RFX8: variants seen among roughly 807,000 people sequenced by gnomAD.
RFX8 encodes DNA-binding protein RFX8.
Under a neutral mutation model 54.6 loss-of-function variants are expected in RFX8, and 46 were observed. The ratio of observed to expected loss-of-function variants is 0.84; its 90% CI spans 0.67 to 1.08. The LOEUF is 1.08. RFX8 is among the 50% of genes least tolerant of loss of function. RFX8 has a pLI of 0.00. For synonymous variants in RFX8, 192 were observed against 209.5 expected, an observed-to-expected ratio of 0.92 and a Z score of 0.72; for missense variants, 536 against 562.3, an observed-to-expected ratio of 0.95 and a Z score of 0.47.
chr2:101,468,279 G>A lies in RFX8; in HGVS notation c.-52-1379C>T, dbSNP rs1689692148. On this transcript the variant is annotated intron_variant, in intron 1 of 11. Coordinates refer to ENST00000428343, the MANE Select transcript of RFX8 (RefSeq NM_001145664.2). ...AAAAATCCAAGTGCCAGCAAGGTCG[G>A]TTCCTTCCAGAGGCTCTGAGGGAGA... is the stretch of plus-strand genomic sequence containing the variant. Among the ~76,000 whole-genome samples the A allele has an allele frequency of 5.3e-5, 8 of 152,260 alleles. 1 individual carries two copies. The South Asian group carries it at 1.7e-3, about 32-fold the overall frequency.
chr2:101,400,198 C>G (rs769267850), intron 11 of RFX8, among the ~76,000 whole-genome samples: 1 of 152,206 alleles, frequency 6.6e-6, no homozygotes, highest in African/African-American at 2.4e-5. Flanking sequence ...GACTAGGAAG[C>G]ATGTGTATAT....
At chr2:101,474,262 A>AC in intron 1 of RFX8, 1 of 609,494 alleles carries the variant, frequency 1.6e-6, no homozygotes, top group Non-Finnish European at 2.9e-6. Flanking sequence ...CGAGGCCGGC[A>AC]CCCCCTCGGC....
chr2:101,406,134 ATT>A, intron 9 of RFX8, 77 bp from the exon 10 acceptor site: 1 of 780,336 alleles, frequency 1.3e-6, no homozygotes, highest in Admixed American at 2.8e-5. Flanking sequence ...AAATGCACAC[ATT>A]TGTCATGCAC....
intron 6 of RFX8, among the ~76,000 whole-genome samples, chr2:101,416,440 G>A (rs1686517355): frequency 6.6e-6 from 1 of 152,198 alleles, no homozygotes; most frequent in Admixed American, 6.5e-5. Context: ...ACAGCTGGGG[G>A]CGTGGGGTCG....
At chr2:101,425,945 G>A (rs1687147919) in intron 2 of RFX8, among the ~76,000 whole-genome samples, 1 of 152,148 alleles carries the variant, frequency 6.6e-6, no homozygotes, top group Admixed American at 6.6e-5. Flanking sequence ...GGTACAAACA[G>A]ACAGAAGAAA....
At chr2:101,466,328 A>T (rs1689573056) in intron 2 of RFX8, among the ~76,000 whole-genome samples, 1 of 143,474 alleles carries the variant, frequency 7.0e-6, no homozygotes, top group Non-Finnish European at 1.6e-5. Context: ...AAAAAAAAAG[A>T]TCTTAACCTC....
intron 9 of RFX8, among the ~76,000 whole-genome samples, chr2:101,410,279 C>A (rs562329555): frequency 4.7e-4 from 72 of 151,970 alleles, no homozygotes; most frequent in African/African-American, 1.7e-3. Context: ...CACCTGTACA[C>A]CACGCTCACC....
chr2:101,423,643 C>T (rs1157166989), intron 2 of RFX8, among the ~76,000 whole-genome samples: 1 of 152,150 alleles, frequency 6.6e-6, no homozygotes, highest in Non-Finnish European at 1.5e-5. Context: ...CCTGCCCAGT[C>T]TTTAAGCACC....
In RFX8 at chr2:101,397,726, T is replaced by C. The variant is rs1685207823; in HGVS notation, c.1246-2A>G. 1.3e-6 allele frequency: 2 copies of C among 1,544,474 alleles called. No homozygotes were observed. The highest frequency in any genetic ancestry group is 2.0e-5 in the Admixed American group (1 of 48,918). On this transcript the variant is annotated splice_acceptor_variant, in intron 11 of 11. Coordinates refer to ENST00000428343, the MANE Select transcript of RFX8 (RefSeq NM_001145664.2). LOFTEE classifies it high-confidence loss of function. The stretch of plus-strand genomic sequence containing the variant: ...ATCTTCCAACAGCACCTGGATGAGC[T>C]GCAAGAGGGAAATGTTTTAAGGGAA...
intron 2 of RFX8, among the ~76,000 whole-genome samples, chr2:101,457,707 G>C (rs915839739): frequency 6.6e-6 from 1 of 152,202 alleles, no homozygotes; most frequent in Non-Finnish European, 1.5e-5. Context: ...GGAGAGTTCT[G>C]TAGATGTCTA....
At chr2:101,459,384 C>A (rs1689148080) in intron 2 of RFX8, among the ~76,000 whole-genome samples, 1 of 152,276 alleles carries the variant, frequency 6.6e-6, no homozygotes, top group South Asian at 2.1e-4. Context: ...TGGTGACCTA[C>A]AGATGGGGTT....
At chr2:101,453,364 A>G (rs1688804860) in intron 2 of RFX8, among the ~76,000 whole-genome samples, 1 of 152,002 alleles carries the variant, frequency 6.6e-6, no homozygotes, top group South Asian at 2.1e-4. Context: ...TTGGCCAGGC[A>G]TGGTGACTCA....
At chr2:101,401,732 G>A (rs773454354) in intron 11 of RFX8, among the ~76,000 whole-genome samples, 8 of 152,170 alleles carry the variant, frequency 5.3e-5, no homozygotes, top group Middle Eastern at 6.8e-3. Context: ...TACAACCTGC[G>A]TCCTGCACTC....
chr2:101,408,298 A>C (rs1339811258), intron 9 of RFX8, among the ~76,000 whole-genome samples: 1 of 152,154 alleles, frequency 6.6e-6, no homozygotes, highest in Non-Finnish European at 1.5e-5. Context: ...ATCCTGGCTA[A>C]CACGGTGAAA....
At chr2:101,422,103 G>T (rs1217735575) in intron 3 of RFX8, among the ~76,000 whole-genome samples, 1 of 151,992 alleles carries the variant, frequency 6.6e-6, no homozygotes, top group Non-Finnish European at 1.5e-5. Flanking sequence ...CTAATTTCTA[G>T]AAAATCCATA....
intron 5 of RFX8, among the ~76,000 whole-genome samples, chr2:101,417,929 C>T (rs1328963122): frequency 6.6e-6 from 1 of 152,146 alleles, no homozygotes; most frequent in African/African-American, 2.4e-5. Flanking sequence ...CTTGTTCTGT[C>T]ACCCAGGCTG....
intron 8 of RFX8, among the ~76,000 whole-genome samples, chr2:101,411,228 A>G (rs956633541): frequency 6.6e-5 from 10 of 152,248 alleles, no homozygotes; most frequent in African/African-American, 2.4e-4. Flanking sequence ...TGACAGGGAA[A>G]GAACAGCCTT....
chr2:101,432,639 G>A (rs185288187), intron 2 of RFX8, among the ~76,000 whole-genome samples: 11 of 152,230 alleles, frequency 7.2e-5, no homozygotes, highest in East Asian at 1.9e-4. Flanking sequence ...TGCCCCCTGC[G>A]TCATTTCCAG....
chr2:101,471,649 T>C (rs1161253579), intron 1 of RFX8, among the ~76,000 whole-genome samples: 2 of 152,146 alleles, frequency 1.3e-5, no homozygotes, highest in East Asian at 3.9e-4. Context: ...CTGTTCTTCA[T>C]TCCTTTGTGC....
Sources: gnomAD v4.1 joint callset for allele counts (sites outside exome capture counted in the v4.1 genomes callset) on GRCh38, gnomAD v4.1.1 for gene constraint, MANE v1.5 for transcripts, NCBI Gene and HGNC (gene_info 2026-07-23, HGNC 2026-07-21) for gene names.